Variants in MATR3 observed in about 807,000 individuals in gnomAD.
The protein encoded by MATR3 is matrin-3.
A neutral mutation model predicts 85.5 loss-of-function variants in MATR3; 4 were observed. That is an observed-to-expected ratio of 0.05 (90% CI 0.02 to 0.11). The LOEUF (loss-of-function observed/expected upper bound fraction) is 0.11. Among genes scored for constraint, MATR3 ranks in the 10% least tolerant of loss-of-function variants. MATR3 has a pLI of 1.00. For missense variants in MATR3, 685 were observed against 1,016.1 expected (o/e 0.67, Z 4.43); for synonymous variants, 336 against 343.1 (o/e 0.98, Z 0.23).
rs944582622 is a variant in MATR3 at position 139,331,254 on chromosome 5, A to G, written c.*1859A>G. 1 of 454,026 alleles carries G rather than the reference A, an allele frequency of 2.2e-6. No individual in the cohort carries two copies. The highest frequency in any genetic ancestry group is 4.4e-6 in the Non-Finnish European group (1 of 226,804). 28.1% of individuals were successfully genotyped at this position (454,026 alleles called of 1,614,324 possible). A position where few individuals can be genotyped will look rare whatever the true frequency, so the allele number is the denominator to read the frequency against. On this transcript the variant is annotated 3_prime_UTR_variant, in exon 15 of 15. Coordinates refer to ENST00000394805, the MANE Select transcript of MATR3 (RefSeq NM_018834.6). ...GATGATTTTAATGTGACATGCACAAAAAATCCTTGCCAGTTTACTTCTGCA... is the reference window on the plus strand; with the variant it reads ...GATGATTTTAATGTGACATGCACAAGAAATCCTTGCCAGTTTACTTCTGCA...
At chr5:139,299,590 A>G (rs1438738648) in intron 1 of MATR3, among the ~76,000 whole-genome samples, 2 of 152,190 alleles carry the variant, frequency 1.3e-5, no homozygotes, top group Non-Finnish European at 2.9e-5. Context: ...ACTTGAGCCC[A>G]AGAGATTGAG....
chr5:139,320,449 T>TG (rs1183295251), intron 9 of MATR3, among the ~76,000 whole-genome samples: 2 of 151,584 alleles, frequency 1.3e-5, no homozygotes, highest in Non-Finnish European at 2.9e-5. Flanking sequence ...CAAAAAAAAA[T>TG]TTTTTTTAAC....
intron 3 of MATR3, chr5:139,285,119 T>C (rs1484177195): frequency 6.6e-6 from 1 of 152,246 alleles, no homozygotes; most frequent in Non-Finnish European, 1.5e-5. Flanking sequence ...GGAGCTTTCA[T>C]GTATAGTGCC....
At chr5:139,320,098 G>A (rs1282776001) in intron 9 of MATR3, among the ~76,000 whole-genome samples, 1 of 151,308 alleles carries the variant, frequency 6.6e-6, no homozygotes, top group Non-Finnish European at 1.5e-5. Flanking sequence ...CACGAGGTCA[G>A]GAGATTGAGA....
intron 1 of MATR3, among the ~76,000 whole-genome samples, chr5:139,274,923 A>T (rs1009297989): frequency 6.7e-6 from 1 of 150,256 alleles, no homozygotes; most frequent in Non-Finnish European, 1.5e-5. Flanking sequence ...GACTCCGTCT[A>T]AAAAAAAATG....
chr5:139,317,486 T>G (rs1464925630), intron 6 of MATR3, 110 bp from the exon 7 acceptor site: 2 of 1,083,966 alleles, frequency 1.8e-6, no homozygotes, highest in Non-Finnish European at 1.4e-6. Flanking sequence ...TGAGTTGTTT[T>G]ACTTACACTC....
At chr5:139,275,637 A>G (rs1253932334) in intron 1 of MATR3, among the ~76,000 whole-genome samples, 1 of 152,138 alleles carries the variant, frequency 6.6e-6, no homozygotes, top group East Asian at 1.9e-4. Context: ...TTTACAGAGG[A>G]CTATTAGTAA....
chr5:139,279,170 T>C (rs772625981), intron 3 of MATR3: 8 of 454,080 alleles, frequency 1.8e-5, no homozygotes, highest in Non-Finnish European at 3.5e-5. Context: ...ATTAAATTAC[T>C]ATAGCTCAGA....
upstream of MATR3, among the ~76,000 whole-genome samples, chr5:139,288,807 A>T (rs904739832): frequency 6.6e-6 from 1 of 151,506 alleles, no homozygotes; most frequent in Non-Finnish European, 1.5e-5. Flanking sequence ...CGCCCAGCTA[A>T]TTTTTTTTGT....
intron 2 of MATR3, chr5:139,310,526 T>C (rs1318055679): frequency 6.6e-6 from 1 of 152,140 alleles, no homozygotes; most frequent in Non-Finnish European, 1.5e-5. Context: ...TTAGAGAAAA[T>C]TTCTGTGATG....
chr5:139,299,707 G>T (rs1754341739), intron 1 of MATR3: 1 of 152,132 alleles, frequency 6.6e-6, no homozygotes, highest in African/African-American at 2.4e-5. Flanking sequence ...GTAGGGAGTA[G>T]TAGGTTTTTG....
At chr5:139,310,162 T>G (rs759356828) in intron 2 of MATR3, 1 of 152,212 alleles carries the variant, frequency 6.6e-6, no homozygotes, top group Non-Finnish European at 1.5e-5. Context: ...TAAATGGATC[T>G]AAATTAACAA....
chr5:139,281,258 T>C (rs1753506678), intron 3 of MATR3, among the ~76,000 whole-genome samples: 1 of 152,010 alleles, frequency 6.6e-6, no homozygotes, highest in South Asian at 2.1e-4. Flanking sequence ...CACTGCAGTC[T>C]CAACTTTCTG....
chr5:139,286,877 T>C (rs2151893791), intron 3 of MATR3, among the ~76,000 whole-genome samples: 1 of 151,976 alleles, frequency 6.6e-6, no homozygotes, highest in African/African-American at 2.4e-5. Flanking sequence ...GTAATTAAAA[T>C]GTGTTATCAA....
intron 1 of MATR3, 68 bp downstream of exon 1, chr5:139,293,873 C>T: frequency 1.3e-6 from 1 of 752,842 alleles, no homozygotes; most frequent in Non-Finnish European, 1.8e-6. Flanking sequence ...CGGGAGGGGA[C>T]AACGACGGCG....
intron 3 of MATR3, chr5:139,314,961 T>C: frequency 2.1e-6 from 1 of 473,544 alleles, no homozygotes; most frequent in Non-Finnish European, 3.9e-6. Context: ...CTAGGATACA[T>C]ATATATTGGT....
In MATR3 at chr5:139,307,117, T is replaced by G; in HGVS notation, c.-177-122T>G. 1.7e-6 allele frequency: 1 copy of G among 583,812 alleles called. No homozygotes were observed. The highest frequency in any genetic ancestry group is 2.3e-6 in the Non-Finnish European group (1 of 436,232). The allele number at this position is 583,812 out of a possible 1,614,324, so 36.2% of individuals were successfully genotyped here. ...CTGTTTAAGATATGTAATAAATTCC[T>G]TGTAAGTTTGAGATCTTAAATGTTT... On this transcript the variant is annotated intron_variant, in intron 1 of 14. Transcript: ENST00000394805. This position sits in a 1 kb window ranked among gnomAD's most constrained non-coding sequence, Gnocchi z 4.4.
At chr5:139,278,358 T>C (rs1011047122) in intron 2 of MATR3, 6 of 453,990 alleles carry the variant, frequency 1.3e-5, no homozygotes, top group South Asian at 9.3e-5. Context: ...CCTTCACCCA[T>C]CTGAAGGGAG....
chr5:139,318,770 G>T, intron 7 of MATR3, 138 bp from the exon 8 acceptor site: 1 of 831,490 alleles, frequency 1.2e-6, no homozygotes, highest in Non-Finnish European at 1.9e-6. Context: ...TTTGATTCTT[G>T]AAAGTATTTT....
Sources: allele counts gnomAD v4.1 joint callset (sites outside exome capture counted in the v4.1 genomes callset), GRCh38; gene constraint gnomAD v4.1.1; non-coding constraint Gnocchi (gnomAD v3.1); transcripts MANE v1.5; gene names NCBI Gene and HGNC (gene_info 2026-07-23, HGNC 2026-07-21).